The following GNAO1 variants were observed in gnomAD, a reference collection of about 807,000 sequenced individuals.
GNAO1 encodes guanine nucleotide-binding protein G(o) subunit alpha.
For missense variants in GNAO1, 166 were observed against 478.7 expected (o/e 0.35, Z 6.10); for synonymous variants, 164 against 180.7 (o/e 0.91, Z 0.74).
chr16:56,252,915 T>A (rs1023238954), intron 2 of GNAO1, among the ~76,000 whole-genome samples: 19 of 152,150 alleles, frequency 1.2e-4, no homozygotes, highest in African/African-American at 4.6e-4. Flanking sequence ...GTATGGGAAG[T>A]GCAAGTCACC....
At chr16:56,300,051 G>GCT (rs2037329736) in intron 3 of GNAO1, among the ~76,000 whole-genome samples, 1 of 91,560 alleles carries the variant, frequency 1.1e-5, no homozygotes, top group African/African-American at 4.8e-5. Context: ...GCGCGCGCGC[G>GCT]CACGCACATG....
At chr16:56,277,825 A>ACACACACC (rs1463224052) in intron 3 of GNAO1, among the ~76,000 whole-genome samples, 1 of 93,132 alleles carries the variant, frequency 1.1e-5, no homozygotes, top group African/African-American at 3.1e-5. Context: ...ACACACACAC[A>ACACACACC]CACACACACA....
rs1488672291 is a variant in GNAO1, at chr16:56,192,207, G to T, written c.-29G>T. The stretch of plus-strand genomic sequence containing the variant: ...GCCGGGGAGCCGTGCCAGCCGAGTC[G>T]TGCGGGCTGTGGCAGGGAAGGGGCC... On this transcript the variant is annotated 5_prime_UTR_variant, in exon 1 of 9. Transcript: ENST00000262493. 5.4e-6 allele frequency: 7 copies of T among 1,299,994 alleles called. No individual in the cohort carries two copies. The highest frequency in any genetic ancestry group is 2.5e-5 in the South Asian group (2 of 80,596). The allele number at this position is 1,299,994 out of a possible 1,614,324, so 80.5% of individuals were successfully genotyped here. A position where few individuals can be genotyped will look rare whatever the true frequency, so the allele number is the denominator to read the frequency against.
intron 2 of GNAO1, among the ~76,000 whole-genome samples, chr16:56,228,536 A>G (rs2036556442): frequency 6.6e-6 from 1 of 152,208 alleles, no homozygotes; most frequent in Non-Finnish European, 1.5e-5. Flanking sequence ...GGAAGTTATC[A>G]TAACTAGAAA....
chr16:56,294,268 C>G (rs1397243152), intron 3 of GNAO1, among the ~76,000 whole-genome samples: 3 of 150,266 alleles, frequency 2.0e-5, no homozygotes, highest in African/African-American at 4.9e-5. Context: ...CAGCATAACT[C>G]TTTGTGCAGG....
chr16:56,244,086 C>T (rs1383399204), intron 2 of GNAO1, among the ~76,000 whole-genome samples: 1 of 152,162 alleles, frequency 6.6e-6, no homozygotes, highest in East Asian at 1.9e-4. Flanking sequence ...GATCCCAGAC[C>T]CCACTCTTGG....
intron 2 of GNAO1, among the ~76,000 whole-genome samples, chr16:56,203,008 T>C (rs1179593863): frequency 2.0e-5 from 3 of 152,220 alleles, no homozygotes; most frequent in African/African-American, 7.2e-5. Flanking sequence ...GGCCTCGTAC[T>C]GATCACAGAG....
At chr16:56,338,584 A>T (rs2037766124) in intron 6 of GNAO1, among the ~76,000 whole-genome samples, 1 of 152,240 alleles carries the variant, frequency 6.6e-6, no homozygotes, top group African/African-American at 2.4e-5. Flanking sequence ...AAGAGAGCAA[A>T]GGAGCTAGAA....
intron 3 of GNAO1, among the ~76,000 whole-genome samples, chr16:56,291,857 C>T (rs1160100207): frequency 1.3e-5 from 2 of 152,160 alleles, no homozygotes; most frequent in Non-Finnish European, 2.9e-5. Flanking sequence ...ACAAAAGGCT[C>T]CCTCAAGCCT....
Position 56,350,765 on chromosome 16 carries a change from G to A in GNAO1, c.724-619G>A, listed in dbSNP as rs574641478. Among the ~76,000 whole-genome samples the A allele has an allele frequency of 3.9e-5, 6 of 152,180 alleles. No individual in the cohort carries two copies. In the South Asian group the frequency reaches 1.2e-3, roughly 32 times the overall value. On this transcript the variant is annotated intron_variant, in intron 6 of 8. Coordinates refer to ENST00000262493, the MANE Select transcript of GNAO1 (RefSeq NM_020988.3). ...TGGCATGCCTTCCCCTGAGACCATA[G>A]GAAGGGCCCGGAGTCTCTCACCACT...
rs1236869107 is a variant in GNAO1, at chr16:56,354,286, CAGTA to C, written c.878-577_878-574del. On this transcript the variant is annotated intron_variant, in intron 7 of 8. Coordinates refer to ENST00000262493, the MANE Select transcript of GNAO1 (RefSeq NM_020988.3). This position sits in a 1 kb window ranked among gnomAD's most constrained non-coding sequence, Gnocchi z 4.3. ...CTTCCGGGTGGATCTGGTGTGAAAA[CAGTA>C]AGAGATCTTGCAAAGTCCAAAGCCA... 1.3e-5 allele frequency among the ~76,000 whole-genome samples: 2 copies of C among 152,252 alleles called. No individual in the cohort carries two copies. The highest frequency in any genetic ancestry group is 2.9e-5 in the Non-Finnish European group (2 of 68,046).
rs1229134777 is a variant in GNAO1 at position 56,311,052 on chromosome 16, A to G, written c.304-17579A>G. Among the ~76,000 whole-genome samples the G allele has an allele frequency of 6.6e-6, 1 of 152,204 alleles. No homozygotes were observed. Among genetic ancestry groups the G allele is most frequent in the African/African-American group, 2.4e-5 (1 of 41,450 alleles). ...CAGAAAAGTTCCCGACTAGCAGACC[A>G]TGAGAGGGCTGAAATCCAGTGCACC... On this transcript the variant is annotated intron_variant, in intron 3 of 8. Coordinates refer to ENST00000262493, the MANE Select transcript of GNAO1 (RefSeq NM_020988.3). The surrounding 1 kb of genome is among the most constrained non-coding windows in gnomAD (Gnocchi z 5.2).
intron 3 of GNAO1, among the ~76,000 whole-genome samples, chr16:56,279,450 C>T (rs1343791799): frequency 3.3e-5 from 5 of 152,190 alleles, no homozygotes; most frequent in African/African-American, 1.2e-4. Context: ...AGACTACAGA[C>T]CTCTCCCAGG....
At chr16:56,205,833 T>C (rs1424306624) in intron 2 of GNAO1, among the ~76,000 whole-genome samples, 2 of 152,142 alleles carry the variant, frequency 1.3e-5, no homozygotes, top group African/African-American at 4.8e-5. Flanking sequence ...CATATAGTCA[T>C]GCGTTCTAAA....
At chr16:56,285,879 A>C (rs561462028) in intron 3 of GNAO1, among the ~76,000 whole-genome samples, 152 of 152,274 alleles carry the variant, frequency 1.0e-3, no homozygotes, top group Non-Finnish European at 1.9e-3. Flanking sequence ...TATGTCTGGG[A>C]CCTCATTTGG....
chr16:56,329,032 T>G, intron 4 of GNAO1: 5 of 490,614 alleles, frequency 1.0e-5, no homozygotes, highest in Non-Finnish European at 1.5e-5. Context: ...ACAGTGGAAA[T>G]TCCCAGAGGG....
intron 2 of GNAO1, among the ~76,000 whole-genome samples, chr16:56,266,078 C>T (rs1304960561): frequency 2.6e-5 from 4 of 152,180 alleles, no homozygotes; most frequent in African/African-American, 9.7e-5. Flanking sequence ...TAACTCTACC[C>T]TTCCCCACTA....
intron 6 of GNAO1, chr16:56,343,802 C>A (rs1433538642): frequency 1.2e-6 from 2 of 1,613,626 alleles, no homozygotes; most frequent in African/African-American, 2.7e-5. Context: ...TACATCCAGG[C>A]CCAGTACGAG....
At chr16:56,333,083 G>T (rs76858882) in intron 4 of GNAO1, among the ~76,000 whole-genome samples, 3,963 of 152,320 alleles carry the variant, frequency 0.026, 184 homozygotes, top group African/African-American at 0.089. Context: ...AGGAGAGGAG[G>T]CCAGGAGTCC....
Sources: allele counts gnomAD v4.1 joint callset (sites outside exome capture counted in the v4.1 genomes callset), GRCh38; gene constraint gnomAD v4.1.1; non-coding constraint Gnocchi (gnomAD v3.1); transcripts MANE v1.5; gene names NCBI Gene and HGNC (gene_info 2026-07-23, HGNC 2026-07-21).